Variants in FBXO7 observed in about 807,000 individuals in gnomAD.
FBXO7 encodes F-box protein 7.
A neutral mutation model predicts 50.2 loss-of-function variants in FBXO7; 31 were observed. That is an observed-to-expected ratio of 0.62 (90% CI 0.46 to 0.83). The LOEUF (loss-of-function observed/expected upper bound fraction) is 0.83. FBXO7 is among the 40% of genes least tolerant of loss of function. The probability of loss-of-function intolerance (pLI) is 0.00; values close to 1 mark genes in which losing one functional copy is unlikely to be tolerated. For synonymous variants in FBXO7, 256 were observed against 253.1 expected (o/e 1.01, Z -0.11); for missense variants, 667 against 646.6 (o/e 1.03, Z -0.34).
chr22:32,481,722 C>G (rs2057465933), intron 2 of FBXO7, among the ~76,000 whole-genome samples: 1 of 152,148 alleles, frequency 6.6e-6, no homozygotes, highest in Non-Finnish European at 1.5e-5. Flanking sequence ...CTTATTTCAT[C>G]ATATTTGGGA....
At position 32,495,394 on chromosome 22, in the gene FBXO7, GGTAA is replaced by G. The variant is rs61389372; in HGVS notation, c.1145-96_1145-93del. 2.8e-3 allele frequency: 2,024 copies of G among 711,044 alleles called. 19 individuals carry two copies. In the African/African-American group the frequency reaches 0.03, roughly 10 times the overall value. 44.0% of individuals were successfully genotyped at this position (711,044 alleles called of 1,614,324 possible). ...TTTTTTTTTTTTTTTATGCTTAACG[GGTAA>G]GTTTCACTTTTCTTAGGAGAAAAAC... On this transcript the variant is annotated intron_variant, in intron 7 of 8. Coordinates refer to ENST00000266087, the MANE Select transcript of FBXO7 (RefSeq NM_012179.4).
chr22:32,482,983 G>A (rs780859760), intron 2 of FBXO7, among the ~76,000 whole-genome samples: 16 of 152,280 alleles, frequency 1.1e-4, no homozygotes, highest in Middle Eastern at 6.8e-3. Flanking sequence ...GAAAATACTG[G>A]GATGAGTAAG....
intron 1 of FBXO7, chr22:32,475,817 T>C (rs2057424574): frequency 6.1e-6 from 1 of 163,466 alleles, no homozygotes; most frequent in African/African-American, 2.4e-5. Context: ...CAAACGTTGA[T>C]CTTGAGAGCT....
rs570379375 is a variant in FBXO7, at chr22:32,479,038, A to T, written c.180A>T (p.Glu60Asp). Residue 60 changes from glutamate (E) to aspartate (D), a missense_variant, in exon 2 of 9, where the codon GAA becomes GAT. Glu to Asp is a conservative substitution (Grantham distance 45, BLOSUM62 2). Coordinates refer to ENST00000266087, the MANE Select transcript of FBXO7 (RefSeq NM_012179.4). ...LNYKDPLTGD[E>D]ETLASYGIVS... ...ACAAGGATCCCCTCACTGGAGATGA[A>T]GAGACCTTGGCTTCATATGGGATTG... The T allele has an allele frequency of 3.1e-6, 5 of 1,614,228 alleles. No individual in the cohort carries two copies. In the Admixed American group the frequency reaches 5.0e-5, roughly 16 times the overall value.
At chr22:32,487,011 A>G (rs2057502925) in intron 4 of FBXO7, among the ~76,000 whole-genome samples, 1 of 151,072 alleles carries the variant, frequency 6.6e-6, no homozygotes, top group Non-Finnish European at 1.5e-5. Context: ...CTTAATATAA[A>G]AAGAATAACT....
In FBXO7 at chr22:32,487,763, A is replaced by G. The variant is rs201500532; in HGVS notation, c.806A>G (p.Asn269Ser). Residue 269 changes from asparagine (N) to serine (S), a missense_variant, in exon 5 of 9, where the codon AAT becomes AGT. Physicochemically the swap from Asn to Ser is conservative, Grantham distance 46. Coordinates refer to ENST00000266087, the MANE Select transcript of FBXO7 (RefSeq NM_012179.4). ...TTTACAGCTACACTAAAAATCAACA[A>G]TGAGATTAGAAGTGTGAAAAGATTG... ...IVVNATLKIN[N>S]EIRSVKRLQL... is the part of the protein sequence containing the mutation. 44 of 1,607,938 alleles carry G rather than the reference A, an allele frequency of 2.7e-5. No homozygotes were observed. In the African/African-American group the frequency reaches 4.4e-4, roughly 16 times the overall value.
rs958917339 is a variant in FBXO7 at position 32,475,246 on chromosome 22, C to T, written c.122+122C>T. ...GCGTGGCCGGGCGATAGGCCAAGTG[C>T]GGGGACGCCGGGGGGGCCTTCACGG... is the stretch of plus-strand genomic sequence containing the variant. On this transcript the variant is annotated intron_variant, in intron 1 of 8. Coordinates refer to ENST00000266087, the MANE Select transcript of FBXO7 (RefSeq NM_012179.4). 2.0e-5 allele frequency: 31 copies of T among 1,536,180 alleles called. 2 individuals carry two copies. The highest frequency in any genetic ancestry group is 1.8e-4 in the South Asian group (15 of 82,432).
intron 1 of FBXO7, among the ~76,000 whole-genome samples, chr22:32,478,698 C>T (rs2145988066): frequency 6.6e-6 from 1 of 152,086 alleles, no homozygotes; most frequent in South Asian, 2.1e-4. Flanking sequence ...CCAGCCTGGG[C>T]AACAGAGTGA....
intron 4 of FBXO7, among the ~76,000 whole-genome samples, chr22:32,486,235 G>GTT (rs11454552): frequency 0.033 from 4,877 of 148,924 alleles, 274 homozygotes; most frequent in African/African-American, 0.11. Flanking sequence ...AAAAATGTTG[G>GTT]TTTTTTTTTT....
At chr22:32,491,522 T>C (rs767551579) in intron 6 of FBXO7, 70 of 229,362 alleles carry the variant, frequency 3.1e-4, no homozygotes, top group Middle Eastern at 1.6e-3. Context: ...AGATGCTCTT[T>C]CTCTCTGTGT....
intron 4 of FBXO7, 58 bp downstream of exon 4, chr22:32,485,267 A>G: frequency 2.5e-6 from 4 of 1,609,262 alleles, no homozygotes; most frequent in Non-Finnish European, 3.4e-6. Context: ...GTTTCTTTCC[A>G]AATGTTTTAT....
At chr22:32,475,213 A>C (rs1410430007) in intron 1 of FBXO7, 89 bp downstream of exon 1, 2 of 1,509,952 alleles carry the variant, frequency 1.3e-6, no homozygotes, top group Non-Finnish European at 1.8e-6. Flanking sequence ...TGTGGGCTGC[A>C]GGCGCGGGCG....
chr22:32,487,709 A>C lies in FBXO7; in HGVS notation c.788-36A>C, dbSNP rs370101696. ...AAAGAAAGGCAGTTGATGAAGTGAC[A>C]GAATTCTTTATCATCTTTCTTTTGT... On this transcript the variant is annotated intron_variant, in intron 4 of 8. Coordinates refer to ENST00000266087, the MANE Select transcript of FBXO7 (RefSeq NM_012179.4). 11 of 1,375,330 alleles carry C rather than the reference A, an allele frequency of 8.0e-6. No individual in the cohort carries two copies. The African/African-American group carries it at 1.0e-4, about 12-fold the overall frequency. 85.2% of individuals were successfully genotyped at this position (1,375,330 alleles called of 1,614,324 possible).
At chr22:32,484,875 A>T (rs1393319580) in intron 3 of FBXO7, among the ~76,000 whole-genome samples, 193 bp from the exon 4 acceptor site, 2 of 152,212 alleles carry the variant, frequency 1.3e-5, no homozygotes, top group Non-Finnish European at 2.9e-5. Flanking sequence ...AAAGTGTTCT[A>T]ATATATTATC....
Position 32,474,881 on chromosome 22 carries a change from C to T in FBXO7, c.-122C>T. The T allele has an allele frequency of 1.0e-6, 1 of 968,742 alleles. No homozygotes were observed. The allele number at this position is 968,742 out of a possible 1,614,324, so 60.0% of individuals were successfully genotyped here. A position where few individuals can be genotyped will look rare whatever the true frequency, so the allele number is the denominator to read the frequency against. On this transcript the variant is annotated 5_prime_UTR_variant, in exon 1 of 9. Transcript: ENST00000266087. ...CTCTTTCCCCGTTTCGCCTCAGCTA[C>T]CCCTCAGCTCCGGTAGTCGCCAGTC... is the stretch of plus-strand genomic sequence containing the variant.
intron 8 of FBXO7, among the ~76,000 whole-genome samples, chr22:32,497,899 T>C (rs2057585673): frequency 6.6e-6 from 1 of 152,244 alleles, no homozygotes; most frequent in Non-Finnish European, 1.5e-5. Context: ...TTAAGGTATG[T>C]ACATTGTCTT....
intron 3 of FBXO7, 81 bp downstream of exon 3, chr22:32,484,205 C>T: frequency 8.1e-7 from 1 of 1,239,956 alleles, no homozygotes; most frequent in Non-Finnish European, 1.2e-6. Context: ...TGCCCGTAGT[C>T]TGAGAGTGGC....
At position 32,476,251 on chromosome 22, in the gene FBXO7, T is replaced by G. The variant is rs188384292; in HGVS notation, c.122+1127T>G. Reference sequence around the variant, plus strand: ...ATACTGACATAACTCCTTTTAAACATTATAGTAAGTGACATGCCTACTGTT... The same window carrying G: ...ATACTGACATAACTCCTTTTAAACAGTATAGTAAGTGACATGCCTACTGTT... On this transcript the variant is annotated intron_variant, in intron 1 of 8. Coordinates refer to ENST00000266087, the MANE Select transcript of FBXO7 (RefSeq NM_012179.4). Among the ~76,000 whole-genome samples, 774 of 152,028 alleles carry G rather than the reference T, an allele frequency of 5.1e-3. 5 individuals are homozygous for G. Among genetic ancestry groups the G allele is most frequent in the Middle Eastern group, 0.017 (5 of 294 alleles).
intron 6 of FBXO7, chr22:32,491,581 CTATA>C (rs2057536502): frequency 9.0e-6 from 1 of 111,640 alleles, no homozygotes; most frequent in Non-Finnish European, 1.8e-5. Flanking sequence ...ATATATATGT[CTATA>C]TAGACATATA....
Sources: allele counts gnomAD v4.1 joint callset (sites outside exome capture counted in the v4.1 genomes callset), GRCh38; gene constraint gnomAD v4.1.1; transcripts MANE v1.5; gene names NCBI Gene and HGNC (gene_info 2026-07-23, HGNC 2026-07-21).